RARS2: variants seen among roughly 807,000 people sequenced by gnomAD.
RARS2 encodes the protein probable arginine--tRNA ligase, mitochondrial.
A neutral mutation model predicts 88.5 loss-of-function variants in RARS2; 67 were observed. The observed-to-expected ratio is 0.76, with a 90% CI of 0.62 to 0.93. The LOEUF (loss-of-function observed/expected upper bound fraction) is 0.93, where lower values mean the gene tolerates loss of function less well. Ranked by LOEUF, RARS2 falls within the 40% of genes least tolerant of loss-of-function variation. The pLI is 0.00. For synonymous variants in RARS2, 239 were observed against 230.3 expected (o/e 1.04, Z -0.34); for missense variants, 664 against 684.2 (o/e 0.97, Z 0.33).
chr6:87,588,799 T>TC (rs1361995539), intron 1 of RARS2, among the ~76,000 whole-genome samples: 1 of 152,122 alleles, frequency 6.6e-6, no homozygotes, highest in African/African-American at 2.4e-5. Context: ...GCCATCTTCC[T>TC]CCAACACCCT....
intron 7 of RARS2, among the ~76,000 whole-genome samples, chr6:87,544,989 G>T (rs1468896570): frequency 6.6e-6 from 1 of 152,134 alleles, no homozygotes; most frequent in Non-Finnish European, 1.5e-5. Context: ...GGTTGAGAAA[G>T]GTGTACACAG....
At chr6:87,575,225 G>GCACACACA (rs58168335) in intron 1 of RARS2, among the ~76,000 whole-genome samples, 4,824 of 114,546 alleles carry the variant, frequency 0.042, 187 homozygotes, top group Admixed American at 0.052. Flanking sequence ...AAAATAGAAA[G>GCACACACA]CACACACACA....
At chr6:87,548,505 T>C in intron 6 of RARS2, 86 bp downstream of exon 6, 1 of 1,327,098 alleles carries the variant, frequency 7.5e-7, no homozygotes, top group South Asian at 1.3e-5. Flanking sequence ...TGCTATTTTG[T>C]TATTTAAGCA....
chr6:87,583,565 G>A (rs1452082853), intron 1 of RARS2, among the ~76,000 whole-genome samples: 2 of 150,056 alleles, frequency 1.3e-5, no homozygotes, highest in African/African-American at 4.9e-5. Context: ...CTCCAGCCTG[G>A]GCAACAAGAA....
At chr6:87,573,170 G>A (rs967880926) in intron 1 of RARS2, among the ~76,000 whole-genome samples, 2 of 152,212 alleles carry the variant, frequency 1.3e-5, no homozygotes, top group Admixed American at 6.5e-5. Flanking sequence ...AGCACGTATG[G>A]GGAGGCCTCA....
At chr6:87,542,999 T>C (rs979384353) in intron 7 of RARS2, among the ~76,000 whole-genome samples, 8 of 152,116 alleles carry the variant, frequency 5.3e-5, no homozygotes, top group Non-Finnish European at 1.0e-4. Flanking sequence ...ATTAGTTTTA[T>C]TACTTTAAAA....
At chr6:87,570,281 T>C (rs1166548726) in intron 1 of RARS2, among the ~76,000 whole-genome samples, 1 of 152,136 alleles carries the variant, frequency 6.6e-6, no homozygotes, top group Non-Finnish European at 1.5e-5. Context: ...ACTGGGATTA[T>C]AGGTGTGAGG....
At chr6:87,572,960 A>G (rs1232476028) in intron 1 of RARS2, among the ~76,000 whole-genome samples, 1 of 152,206 alleles carries the variant, frequency 6.6e-6, no homozygotes, top group Non-Finnish European at 1.5e-5. Flanking sequence ...GCAGGAATGA[A>G]GTTTTCCTGA....
chr6:87,580,940 T>C (rs1238112522), intron 1 of RARS2, among the ~76,000 whole-genome samples: 2 of 152,178 alleles, frequency 1.3e-5, no homozygotes, highest in African/African-American at 4.8e-5. Flanking sequence ...TTCTAAACTT[T>C]AGATTTAGGA....
chr6:87,528,202 A>G (rs765842323), intron 10 of RARS2, among the ~76,000 whole-genome samples: 4 of 151,948 alleles, frequency 2.6e-5, no homozygotes, highest in South Asian at 4.2e-4. Context: ...ACAATCCACA[A>G]TAAGATATTT....
chr6:87,570,044 C>CA (rs542748000), intron 1 of RARS2, among the ~76,000 whole-genome samples: 69 of 151,708 alleles, frequency 4.5e-4, no homozygotes, highest in Admixed American at 2.0e-3. Flanking sequence ...ACAAAACAGA[C>CA]AAAAAACAAA....
At chr6:87,552,749 T>C (rs1447604246) in intron 5 of RARS2, among the ~76,000 whole-genome samples, 1 of 151,796 alleles carries the variant, frequency 6.6e-6, no homozygotes, top group Non-Finnish European at 1.5e-5. Context: ...AAAAAGATGG[T>C]GAAGCTGAAA....
chr6:87,564,981 C>T (rs1767435562), intron 2 of RARS2, among the ~76,000 whole-genome samples: 1 of 152,084 alleles, frequency 6.6e-6, no homozygotes, highest in African/African-American at 2.4e-5. Context: ...TTGCTTGAAC[C>T]CAGGAGGCAG....
intron 5 of RARS2, 63 bp from the exon 6 acceptor site, chr6:87,548,709 G>A (rs1783403967): frequency 6.9e-7 from 1 of 1,455,598 alleles, no homozygotes; most frequent in East Asian, 2.3e-5. Flanking sequence ...AATCAACTAG[G>A]TCATGCCTCC....
At chr6:87,586,341 C>T (rs1008684074) in intron 1 of RARS2, among the ~76,000 whole-genome samples, 8 of 152,236 alleles carry the variant, frequency 5.3e-5, no homozygotes, top group Non-Finnish European at 1.0e-4. Flanking sequence ...TTCCAGATGT[C>T]TGTGTCTATG....
chr6:87,556,690 G>A (rs1195844911), intron 4 of RARS2, among the ~76,000 whole-genome samples: 1 of 149,766 alleles, frequency 6.7e-6, no homozygotes, highest in Non-Finnish European at 1.5e-5. Context: ...TACTTGGGAG[G>A]CTGAGACAGG....
In RARS2 at chr6:87,586,738, G is replaced by A. The variant is rs141563346; in HGVS notation, c.36+3184C>T. Among the ~76,000 whole-genome samples, 924 of 152,190 alleles carry A rather than the reference G, an allele frequency of 6.1e-3. 26 individuals carry two copies. The highest frequency in any genetic ancestry group is 0.047 in the Admixed American group (723 of 15,278). ...CATTCCTAAACTATTATAGCAAAAC[G>A]ATGCTCATTCGCAAAGGTATTAAAT... On this transcript the variant is annotated intron_variant, in intron 1 of 19. Transcript: ENST00000369536.
At chr6:87,550,533 C>CAA (rs5878035) in intron 5 of RARS2, among the ~76,000 whole-genome samples, 12 of 150,192 alleles carry the variant, frequency 8.0e-5, no homozygotes, top group African/African-American at 1.5e-4. Context: ...AAAAGTAAAG[C>CAA]AAAAAAAATC....
At chr6:87,569,712 C>T (rs1418832163) in intron 1 of RARS2, 122 bp from the exon 2 acceptor site, 2 of 790,746 alleles carry the variant, frequency 2.5e-6, no homozygotes, top group Non-Finnish European at 4.3e-6. Flanking sequence ...AAATGCATTC[C>T]AAGTGAAGGA....
Sources: allele counts gnomAD v4.1 joint callset (sites outside exome capture counted in the v4.1 genomes callset), GRCh38; gene constraint gnomAD v4.1.1; transcripts MANE v1.5; gene names NCBI Gene and HGNC (gene_info 2026-07-23, HGNC 2026-07-21).